The following UBE4A variants were observed in gnomAD, a reference collection of about 807,000 sequenced individuals.
The protein encoded by UBE4A is ubiquitination factor E4A.
In UBE4A, 48 loss-of-function variants were observed where a neutral mutation model predicts 117.9. The observed-to-expected ratio is 0.41, with a 90% CI of 0.32 to 0.52. The LOEUF is 0.52. UBE4A is among the 20% of genes least tolerant of loss of function. The probability of loss-of-function intolerance (pLI) is 0.33; values close to 1 mark genes in which losing one functional copy is unlikely to be tolerated. For missense variants in UBE4A, 1,067 were observed against 1,296.3 expected (o/e 0.82, Z 2.72); for synonymous variants, 407 against 450.0 (o/e 0.90, Z 1.21).
At chr11:118,362,042 A>G (rs972317150) in intron 1 of UBE4A, among the ~76,000 whole-genome samples, 1 of 152,266 alleles carries the variant, frequency 6.6e-6, no homozygotes, top group African/African-American at 2.4e-5. Context: ...TTCTTTATAC[A>G]GTGCAACAGT....
At chr11:118,361,922 C>T (rs1035753686) in intron 1 of UBE4A, among the ~76,000 whole-genome samples, 19 of 152,136 alleles carry the variant, frequency 1.2e-4, no homozygotes, top group Non-Finnish European at 2.4e-4. Context: ...CAGATATGAA[C>T]ATGTAATCAG....
intron 16 of UBE4A, among the ~76,000 whole-genome samples, chr11:118,388,507 G>A (rs1323247900): frequency 1.3e-5 from 2 of 152,092 alleles, no homozygotes; most frequent in East Asian, 3.9e-4. Context: ...AAATTAGCCA[G>A]GTGTGGTGGC....
chr11:118,369,616 A>G (rs1341317854), intron 4 of UBE4A, 81 bp downstream of exon 4: 1 of 905,432 alleles, frequency 1.1e-6, no homozygotes, highest in Non-Finnish European at 1.7e-6. Context: ...TCTCCAACTT[A>G]TGCTTGTGTC....
At chr11:118,393,450 T>C (rs1476371898) in intron 19 of UBE4A, among the ~76,000 whole-genome samples, 3 of 151,908 alleles carry the variant, frequency 2.0e-5, no homozygotes, top group Non-Finnish European at 4.4e-5. Context: ...AGGCATGCAC[T>C]AACACGCCCA....
intron 4 of UBE4A, among the ~76,000 whole-genome samples, 184 bp from the exon 5 acceptor site, chr11:118,371,330 A>G (rs1948606854): frequency 6.6e-6 from 1 of 152,150 alleles, no homozygotes; most frequent in Non-Finnish European, 1.5e-5. Flanking sequence ...GGATAACTTT[A>G]TATATGCCAT....
intron 16 of UBE4A, among the ~76,000 whole-genome samples, chr11:118,388,347 G>C: frequency 6.6e-6 from 1 of 152,040 alleles, no homozygotes; most frequent in East Asian, 1.9e-4. Context: ...GTTCCTTACA[G>C]ATTTGTTAAG....
Position 118,368,667 on chromosome 11 carries a change from G to A in UBE4A, c.158G>A (p.Ser53Asn). The A allele has an allele frequency of 1.2e-6, 2 of 1,614,164 alleles. No individual in the cohort carries two copies. Among genetic ancestry groups the A allele is most frequent in the Non-Finnish European group, 8.5e-7 (1 of 1,180,034 alleles). The change falls in exon 3 of 20, where the codon AGC becomes AAC. Residue 53 changes from serine to asparagine, a missense_variant. Physicochemically the swap from Ser to Asn is conservative, Grantham distance 46. This residue lies in a region of UBE4A where 1,001 missense variants were observed against 1,184.0 expected (regional missense o/e 0.85). Transcript: ENST00000252108. The stretch of plus-strand genomic sequence containing the variant: ...GCTAGCCCAGATGACTCGGATAATA[G>A]CGTGTCAGAGAGCCTGGATGAATTC... ...LPASPDDSDNSVSESLDEFDY... is the reference protein window; with the variant it reads ...LPASPDDSDNNVSESLDEFDY...
At chr11:118,370,091 CA>C (rs35175908) in intron 4 of UBE4A, among the ~76,000 whole-genome samples, 31,883 of 138,520 alleles carry the variant, frequency 0.23, 3,784 homozygotes, top group East Asian at 0.53. Flanking sequence ...GACTCCGTCT[CA>C]AAAAAAAAAA....
intron 1 of UBE4A, among the ~76,000 whole-genome samples, chr11:118,361,896 C>G (rs1044748127): frequency 5.3e-5 from 8 of 152,142 alleles, no homozygotes; most frequent in African/African-American, 1.7e-4. Flanking sequence ...ATGCCAGACA[C>G]AGAAGAAAGA....
chr11:118,378,971 G>A (rs1015465514), intron 10 of UBE4A: 1 of 156,478 alleles, frequency 6.4e-6, no homozygotes, highest in Non-Finnish European at 1.4e-5. Flanking sequence ...TAGTTTATAT[G>A]TGGTCATTAC....
intron 17 of UBE4A, 83 bp downstream of exon 17, chr11:118,389,988 T>C (rs1388047838): frequency 1.2e-5 from 16 of 1,326,762 alleles, no homozygotes; most frequent in Non-Finnish European, 1.6e-5. Flanking sequence ...GGTTGGTAAT[T>C]ATGTGAAAAT....
At chr11:118,395,720 GC>G (rs1217410788) in intron 19 of UBE4A, among the ~76,000 whole-genome samples, 2 of 152,336 alleles carry the variant, frequency 1.3e-5, no homozygotes, top group African/African-American at 4.8e-5. Flanking sequence ...CAGAAGCATA[GC>G]ATTTTTTAAG....
intron 2 of UBE4A, among the ~76,000 whole-genome samples, chr11:118,366,085 G>A (rs1948560634): frequency 6.6e-6 from 1 of 150,910 alleles, no homozygotes; most frequent in South Asian, 2.1e-4. Flanking sequence ...ACACTCAGGT[G>A]CATAGCTGAC....
At chr11:118,389,517 T>C (rs1363378059) in intron 16 of UBE4A, among the ~76,000 whole-genome samples, 1 of 152,234 alleles carries the variant, frequency 6.6e-6, no homozygotes. Flanking sequence ...AGTTTTTGTC[T>C]TTTCTGTTTT....
rs1373523510 is a variant in UBE4A at position 118,376,746 on chromosome 11, A to C, written c.1571+52A>C. ...AAACAGTTTAGTTGTGTTGATAACT[A>C]GAAGGTAGAAATTGAGTCTTTGGCC... On this transcript the variant is annotated intron_variant, in intron 10 of 19. Transcript: ENST00000252108. 3.8e-6 allele frequency: 6 copies of C among 1,591,240 alleles called. No individual in the cohort carries two copies. In the Admixed American group the frequency reaches 1.0e-4, roughly 28 times the overall value.
intron 2 of UBE4A, 130 bp from the exon 3 acceptor site, chr11:118,368,501 C>T: frequency 9.5e-7 from 1 of 1,052,634 alleles, no homozygotes; most frequent in Non-Finnish European, 1.4e-6. Flanking sequence ...TTGAGATGTT[C>T]ACTAATTAGA....
At chr11:118,373,763 C>T in intron 8 of UBE4A, 78 bp downstream of exon 8, 9 of 1,452,412 alleles carry the variant, frequency 6.2e-6, no homozygotes, top group Non-Finnish European at 8.2e-6. Flanking sequence ...GATAAGGCTG[C>T]TCAAGCCTCT....
intron 11 of UBE4A, 105 bp downstream of exon 11, chr11:118,379,855 A>T (rs1948685546): frequency 1.5e-6 from 2 of 1,345,274 alleles, no homozygotes; most frequent in Admixed American, 5.5e-5. Context: ...GTTATCATTC[A>T]GTTGTTTTTG....
At chr11:118,369,633 T>G in intron 4 of UBE4A, 98 bp downstream of exon 4, 2 of 712,668 alleles carry the variant, frequency 2.8e-6, no homozygotes, top group Non-Finnish European at 2.3e-6. Flanking sequence ...TGTCCATATG[T>G]CCATCCCTCT....
Sources: gnomAD v4.1 joint callset for allele counts (sites outside exome capture counted in the v4.1 genomes callset) on GRCh38, gnomAD v4.1.1 for gene constraint, gnomAD v4.1.1 regional missense constraint, MANE v1.5 for transcripts, NCBI Gene and HGNC (gene_info 2026-07-23, HGNC 2026-07-21) for gene names.